PDE3A: variants seen among roughly 807,000 people sequenced by gnomAD.
The protein encoded by PDE3A is cGMP-inhibited 3',5'-cyclic phosphodiesterase 3A.
PDE3A carries 43 observed loss-of-function variants against 98.3 expected under a neutral mutation model. The observed-to-expected ratio is 0.44, with a 90% confidence interval of 0.34 to 0.56. PDE3A has a LOEUF of 0.56. PDE3A is among the 20% of genes least tolerant of loss of function. PDE3A has a pLI of 0.01. For synonymous variants in PDE3A, 663 were observed against 567.9 expected (o/e 1.17, Z -2.38); for missense variants, 1,427 against 1,440.7 (o/e 0.99, Z 0.15).
At chr12:20,639,761 C>T (rs113416251) in intron 9 of PDE3A, 85 bp from the exon 10 acceptor site, 23 of 650,922 alleles carry the variant, frequency 3.5e-5, no homozygotes, top group Middle Eastern at 2.7e-4. Flanking sequence ...TTTCCGTTAC[C>T]GATATTTACC....
chr12:20,525,516 T>A (rs1946502379), intron 1 of PDE3A, among the ~76,000 whole-genome samples: 1 of 152,048 alleles, frequency 6.6e-6, no homozygotes, highest in African/African-American at 2.4e-5. Flanking sequence ...CACTGTGTAC[T>A]TTCAAAATAT....
At chr12:20,629,835 G>A in intron 5 of PDE3A, 73 bp from the exon 6 acceptor site, 2 of 1,150,276 alleles carry the variant, frequency 1.7e-6, no homozygotes, top group South Asian at 2.5e-5. Flanking sequence ...TAAGAGTCCA[G>A]GTGAAGTTCA....
At chr12:20,435,554 T>TC (rs1944766590) in intron 1 of PDE3A, among the ~76,000 whole-genome samples, 1 of 152,166 alleles carries the variant, frequency 6.6e-6, no homozygotes, top group African/African-American at 2.4e-5. Flanking sequence ...GGAAAAGTAC[T>TC]ATTATTATGG....
rs116255161 is a variant in PDE3A at position 20,647,308 on chromosome 12, G to A, written c.2565+358G>A. On this transcript the variant is annotated intron_variant, in intron 12 of 15. Transcript: ENST00000359062. ...ATTTCTTGGACTTTTAAGAATGTAA[G>A]GTTTCTTTGTATATAAATACCATTC... Among the ~76,000 whole-genome samples, 1,047 of 152,038 alleles carry A rather than the reference G, an allele frequency of 6.9e-3. 10 individuals carry two copies. The highest frequency in any genetic ancestry group is 0.024 in the African/African-American group (987 of 41,482).
intron 2 of PDE3A, among the ~76,000 whole-genome samples, chr12:20,596,743 AATTTGAC>A (rs1329082535): frequency 6.6e-6 from 1 of 152,162 alleles, no homozygotes; most frequent in East Asian, 1.9e-4. Flanking sequence ...GGAAGAGTCT[AATTTGAC>A]ATTTTCAAAG....
chr12:20,565,994 T>C (rs138608301), intron 2 of PDE3A, among the ~76,000 whole-genome samples: 1 of 152,074 alleles, frequency 6.6e-6, no homozygotes, highest in East Asian at 1.9e-4. Flanking sequence ...AGTTATGTTG[T>C]CAACATTAAG....
chr12:20,661,149 AG>A (rs555809577), intron 15 of PDE3A, among the ~76,000 whole-genome samples: 11 of 152,178 alleles, frequency 7.2e-5, no homozygotes, highest in Non-Finnish European at 1.2e-4. Context: ...GTTTTAGCAA[AG>A]AGACTGGCAG....
chr12:20,400,664 C>T (rs553586864), intron 1 of PDE3A, among the ~76,000 whole-genome samples: 26 of 152,064 alleles, frequency 1.7e-4, no homozygotes, highest in Admixed American at 1.4e-3. Context: ...GTGATCCGCC[C>T]GCCTCGGCCT....
At chr12:20,514,974 A>G (rs1355266678) in intron 1 of PDE3A, among the ~76,000 whole-genome samples, 3 of 152,230 alleles carry the variant, frequency 2.0e-5, no homozygotes, top group African/African-American at 7.2e-5. Flanking sequence ...GTTCAAGATT[A>G]TGATATCAGT....
chr12:20,536,741 A>G (rs1464152989), intron 1 of PDE3A, among the ~76,000 whole-genome samples: 1 of 152,130 alleles, frequency 6.6e-6, no homozygotes, highest in East Asian at 1.9e-4. Context: ...TTGTTGCCAA[A>G]TAATATTCCA....
chr12:20,445,036 A>G (rs1944932295), intron 1 of PDE3A, among the ~76,000 whole-genome samples: 1 of 152,200 alleles, frequency 6.6e-6, no homozygotes, highest in Admixed American at 6.5e-5. Flanking sequence ...GCTGTCATCA[A>G]ATCCATCGCC....
At chr12:20,631,678 G>C (rs979736047) in intron 6 of PDE3A, among the ~76,000 whole-genome samples, 1 of 147,392 alleles carries the variant, frequency 6.8e-6, no homozygotes, top group Non-Finnish European at 1.5e-5. Flanking sequence ...TACCACTCAC[G>C]CAGCTTTTTT....
At position 20,630,253 on chromosome 12, in the gene PDE3A, A is replaced by T. The variant is rs1944350971; in HGVS notation, c.1760+126A>T. On this transcript the variant is annotated intron_variant, in intron 6 of 15. Transcript: ENST00000359062. ...AAAGTATTAGACAACCAAGTATAGGATAATGTGATTTGTGTTGAATAGGCT... is the reference window on the plus strand; with the variant it reads ...AAAGTATTAGACAACCAAGTATAGGTTAATGTGATTTGTGTTGAATAGGCT... The T allele has an allele frequency of 7.5e-6, 5 of 667,664 alleles. 1 individual carries two copies. In the South Asian group the frequency reaches 8.9e-5, roughly 12 times the overall value. 41.4% of individuals were successfully genotyped at this position (667,664 alleles called of 1,614,324 possible). A position where few individuals can be genotyped will look rare whatever the true frequency, so the allele number is the denominator to read the frequency against.
intron 1 of PDE3A, among the ~76,000 whole-genome samples, chr12:20,421,609 A>C (rs1239259835): frequency 1.3e-5 from 2 of 151,304 alleles, no homozygotes; most frequent in Admixed American, 1.3e-4. Context: ...AAAAAAAAAA[A>C]AAAAAACCAC....
At chr12:20,438,862 C>G (rs918275432) in intron 1 of PDE3A, among the ~76,000 whole-genome samples, 1 of 151,782 alleles carries the variant, frequency 6.6e-6, no homozygotes, top group South Asian at 2.1e-4. Context: ...CAGGTTCAAG[C>G]GATTCTCCTG....
intron 1 of PDE3A, among the ~76,000 whole-genome samples, chr12:20,514,074 A>T (rs1946273982): frequency 6.6e-6 from 1 of 152,168 alleles, no homozygotes; most frequent in Non-Finnish European, 1.5e-5. Context: ...ATAGGTAAAA[A>T]TCCCAGTGCC....
intron 15 of PDE3A, among the ~76,000 whole-genome samples, chr12:20,670,357 ATCTACAGAAC>A (rs1945438937): frequency 6.7e-6 from 1 of 150,014 alleles, no homozygotes; most frequent in Non-Finnish European, 1.5e-5. Flanking sequence ...CCTAATAGAC[ATCTACAGAAC>A]TCTCCACCCC....
intron 2 of PDE3A, among the ~76,000 whole-genome samples, chr12:20,611,358 T>C (rs1228343705): frequency 2.0e-5 from 3 of 151,920 alleles, no homozygotes; most frequent in Admixed American, 6.6e-5. Context: ...GGTACTAGTA[T>C]TAAATTATGC....
At position 20,630,117 on chromosome 12, in the gene PDE3A, A is replaced by T. The variant is rs747418673; in HGVS notation, c.1750A>T (p.Ile584Leu). 3.7e-6 allele frequency: 6 copies of T among 1,606,218 alleles called. No individual in the cohort carries two copies. Among genetic ancestry groups the T allele is most frequent in the Admixed American group, 3.3e-5 (2 of 59,986 alleles). The change falls in exon 6 of 16, where the codon ATA becomes TTA. Residue 584 changes from isoleucine to leucine, a missense_variant. Coordinates refer to ENST00000359062, the MANE Select transcript of PDE3A (RefSeq NM_000921.5). ...LSPQILTPPV[I>L]CSSCGRPYSQ... is the part of the protein sequence containing the mutation. The stretch of plus-strand genomic sequence containing the variant: ...CCCTCAAATCCTGACTCCACCTGTT[A>T]TATGTAGCAGGTAAGGATTTTTTAT...
Sources: gnomAD v4.1 joint callset for allele counts (sites outside exome capture counted in the v4.1 genomes callset) on GRCh38, gnomAD v4.1.1 for gene constraint, MANE v1.5 for transcripts, NCBI Gene and HGNC (gene_info 2026-07-23, HGNC 2026-07-21) for gene names.